The following VIPR2 variants were observed in gnomAD, a reference collection of about 807,000 sequenced individuals.
VIPR2 encodes the protein vasoactive intestinal peptide receptor 2.
Under a neutral mutation model 58.0 loss-of-function variants are expected in VIPR2, and 48 were observed. The observed-to-expected ratio is 0.83, with a 90% CI of 0.66 to 1.05. VIPR2 has a LOEUF of 1.05. Ranked by LOEUF, VIPR2 falls within the 50% of genes least tolerant of loss-of-function variation. The pLI is 0.00. For synonymous variants in VIPR2, 243 were observed against 235.2 expected (o/e 1.03, Z -0.30); for missense variants, 534 against 558.0 (o/e 0.96, Z 0.43).
At chr7:159,102,328 A>G (rs1585500450) in intron 4 of VIPR2, among the ~76,000 whole-genome samples, 1 of 152,036 alleles carries the variant, frequency 6.6e-6, no homozygotes, top group South Asian at 2.1e-4. Flanking sequence ...TCTCTCTTTC[A>G]CCTGCTGCCA....
intron 4 of VIPR2, among the ~76,000 whole-genome samples, chr7:159,086,537 G>A (rs1296354461): frequency 6.6e-6 from 1 of 152,262 alleles, no homozygotes; most frequent in Admixed American, 6.5e-5. Context: ...GGCCTGCATG[G>A]TTCTGCTGAG....
chr7:159,127,769 C>G lies in VIPR2; in HGVS notation c.151+14677G>C, dbSNP rs1386201034. Among the ~76,000 whole-genome samples the G allele has an allele frequency of 1.3e-5, 2 of 152,218 alleles. No individual in the cohort carries two copies. The highest frequency in any genetic ancestry group is 3.8e-4 in the East Asian group (2 of 5,196). Reference sequence around the variant, plus strand: ...TGTTTGCTGTTATTACCTTCATGGACAGCCAGTGCTTCCTTCCACGTCAAA... The same window carrying G: ...TGTTTGCTGTTATTACCTTCATGGAGAGCCAGTGCTTCCTTCCACGTCAAA... On this transcript the variant is annotated intron_variant, in intron 2 of 12. Transcript: ENST00000262178. This position sits in a 1 kb window ranked among gnomAD's most constrained non-coding sequence, Gnocchi z 4.6.
At chr7:159,047,503 T>G (rs1195039101) in intron 5 of VIPR2, among the ~76,000 whole-genome samples, 1 of 151,214 alleles carries the variant, frequency 6.6e-6, no homozygotes, top group Non-Finnish European at 1.5e-5. Flanking sequence ...AAAAAACTAG[T>G]TTCTATTATG....
At chr7:159,060,355 C>G (rs1855578102) in intron 4 of VIPR2, among the ~76,000 whole-genome samples, 1 of 151,762 alleles carries the variant, frequency 6.6e-6, no homozygotes, top group Non-Finnish European at 1.5e-5. Context: ...CCACCATTCT[C>G]AATTCATCTA....
chr7:159,058,404 G>A (rs192830278), intron 5 of VIPR2, 77 bp downstream of exon 5: 1 of 1,229,480 alleles, frequency 8.1e-7, no homozygotes, highest in Non-Finnish European at 1.2e-6. Flanking sequence ...CTCCAGGCTG[G>A]GTGGCGCCTA....
At chr7:159,062,760 G>C (rs1037802221) in intron 4 of VIPR2, among the ~76,000 whole-genome samples, 1 of 152,154 alleles carries the variant, frequency 6.6e-6, no homozygotes, top group East Asian at 1.9e-4. Flanking sequence ...GTCTCTACAG[G>C]CTCCGGCCGC....
chr7:159,059,562 T>C (rs898970810), intron 4 of VIPR2, among the ~76,000 whole-genome samples: 1 of 152,210 alleles, frequency 6.6e-6, no homozygotes, highest in African/African-American at 2.4e-5. Context: ...TAGAACATAT[T>C]AACCCATTTA....
At chr7:159,121,877 T>C (rs1306153482) in intron 2 of VIPR2, among the ~76,000 whole-genome samples, 2 of 152,248 alleles carry the variant, frequency 1.3e-5, no homozygotes. Context: ...GAAAAGCCCT[T>C]CTTTACTGCA....
chr7:159,081,064 T>C lies in VIPR2; in HGVS notation c.358-22486A>G, dbSNP rs186782846. 4.3e-3 allele frequency among the ~76,000 whole-genome samples: 655 copies of C among 152,310 alleles called. 1 individual carries two copies. Among genetic ancestry groups the C allele is most frequent in the African/African-American group, 0.015 (629 of 41,566 alleles). On this transcript the variant is annotated intron_variant, in intron 4 of 12. Coordinates refer to ENST00000262178, the MANE Select transcript of VIPR2 (RefSeq NM_003382.5). ...TGCTCAAGGTAATTTATTGATTCAA[T>C]GCCATCCCCATCAAGCTACCAATGA... is the stretch of plus-strand genomic sequence containing the variant.
chr7:159,129,923 C>T (rs1392007719), intron 2 of VIPR2, among the ~76,000 whole-genome samples: 5 of 92,836 alleles, frequency 5.4e-5, no homozygotes, highest in Admixed American at 9.8e-5. Flanking sequence ...GGGGACAGGG[C>T]CAGGTGACCA....
At chr7:159,110,020 T>C (rs1795930314) in intron 2 of VIPR2, 101 bp from the exon 3 acceptor site, 1 of 1,052,214 alleles carries the variant, frequency 9.5e-7, no homozygotes, top group East Asian at 2.5e-5. Context: ...TCCTTTCCTG[T>C]GAAACACACT....
intron 6 of VIPR2, among the ~76,000 whole-genome samples, chr7:159,041,160 T>C (rs1253306253): frequency 6.6e-6 from 1 of 152,114 alleles, no homozygotes; most frequent in Non-Finnish European, 1.5e-5. Flanking sequence ...GGCGAATGAG[T>C]GTTCACCCAG....
intron 5 of VIPR2, among the ~76,000 whole-genome samples, chr7:159,055,316 G>A (rs1855247997): frequency 6.6e-6 from 1 of 152,226 alleles, no homozygotes; most frequent in South Asian, 2.1e-4. Context: ...AGGTGGGGTA[G>A]ACACCGGGTG....
rs558593596 is a variant in VIPR2 at position 159,117,386 on chromosome 7, G to C, written c.152-7467C>G. 4.2e-6 allele frequency: 3 copies of C among 717,508 alleles called. No homozygotes were observed. The South Asian group carries it at 4.4e-5, about 11-fold the overall frequency. The allele number at this position is 717,508 out of a possible 1,614,324, so 44.4% of individuals were successfully genotyped here. On this transcript the variant is annotated intron_variant, in intron 2 of 12. Coordinates refer to ENST00000262178, the MANE Select transcript of VIPR2 (RefSeq NM_003382.5). ...CTCTTTAAACCTCCGGCGTGAATGA[G>C]GATGAATCCCTTTGTATGGCCTGTG... is the stretch of plus-strand genomic sequence containing the variant.
intron 4 of VIPR2, among the ~76,000 whole-genome samples, chr7:159,071,162 A>G: frequency 6.6e-6 from 1 of 152,208 alleles, no homozygotes; most frequent in East Asian, 1.9e-4. Context: ...ATAAGCACCA[A>G]TGTTTAGAAC....
At chr7:159,130,882 G>C (rs2129497454) in intron 2 of VIPR2, among the ~76,000 whole-genome samples, 1 of 152,306 alleles carries the variant, frequency 6.6e-6, no homozygotes, top group African/African-American at 2.4e-5. Flanking sequence ...ATGGGAGGAA[G>C]GTTGCCTTGA....
intron 4 of VIPR2, 63 bp from the exon 5 acceptor site, chr7:159,058,641 G>T: frequency 8.0e-7 from 1 of 1,255,772 alleles, no homozygotes; most frequent in Non-Finnish European, 1.2e-6. Flanking sequence ...CAACAGGAAT[G>T]GTTCCAGGAT....
intron 12 of VIPR2, 46 bp from the exon 13 acceptor site, chr7:159,030,835 C>A (rs377221384): frequency 2.0e-6 from 3 of 1,464,586 alleles, no homozygotes; most frequent in East Asian, 5.4e-5. Flanking sequence ...TGGGCAGGTG[C>A]GGGCGGCTGC....
intron 4 of VIPR2, among the ~76,000 whole-genome samples, chr7:159,065,633 TA>T (rs200972875): frequency 0.013 from 2,009 of 152,262 alleles, 27 homozygotes; most frequent in Admixed American, 0.029. Flanking sequence ...CAAATCCCCA[TA>T]AAAAGACCAT....
Sources: allele counts gnomAD v4.1 joint callset (sites outside exome capture counted in the v4.1 genomes callset), GRCh38; gene constraint gnomAD v4.1.1; non-coding constraint Gnocchi (gnomAD v3.1); transcripts MANE v1.5; gene names NCBI Gene and HGNC (gene_info 2026-07-23, HGNC 2026-07-21).